LYRM1: variants seen among roughly 807,000 people sequenced by gnomAD.
The protein encoded by LYRM1 is LYR motif-containing protein 1.
Under a neutral mutation model 14.9 loss-of-function variants are expected in LYRM1, and 14 were observed. The ratio of observed to expected loss-of-function variants is 0.94; its 90% CI spans 0.62 to 1.47. LYRM1 has a LOEUF of 1.47. Among genes scored for constraint, LYRM1 ranks in the 40% most tolerant of loss-of-function variants. LYRM1 has a pLI of 0.00. For synonymous variants in LYRM1, 43 were observed against 56.2 expected (o/e 0.77, Z 1.05); for missense variants, 153 against 149.9 (o/e 1.02, Z -0.11).
intron 3 of LYRM1, among the ~76,000 whole-genome samples, chr16:20,920,853 G>A (rs565770532): frequency 5.7e-4 from 86 of 151,796 alleles, no homozygotes; most frequent in African/African-American, 1.7e-3. Context: ...ACACCACTGC[G>A]CTCCAGCCTG....
At chr16:20,913,252 T>C (rs1207728633) in intron 1 of LYRM1, among the ~76,000 whole-genome samples, 1 of 151,560 alleles carries the variant, frequency 6.6e-6, no homozygotes, top group Non-Finnish European at 1.5e-5. Context: ...ACTGGATACA[T>C]AATTTATTCT....
intron 1 of LYRM1, among the ~76,000 whole-genome samples, chr16:20,903,761 G>A (rs2152526199): frequency 6.6e-6 from 1 of 151,874 alleles, no homozygotes; most frequent in South Asian, 2.1e-4. Context: ...CCCCTGCACA[G>A]AATGTGGTTA....
At chr16:20,904,497 G>A (rs1262229674) in intron 1 of LYRM1, among the ~76,000 whole-genome samples, 1 of 152,048 alleles carries the variant, frequency 6.6e-6, no homozygotes, top group African/African-American at 2.4e-5. Context: ...GCCCCCTATT[G>A]CTGACAGACC....
intron 1 of LYRM1, among the ~76,000 whole-genome samples, 199 bp from the exon 2 acceptor site, chr16:20,915,357 G>A (rs1273432511): frequency 2.0e-5 from 3 of 151,832 alleles, no homozygotes; most frequent in Admixed American, 6.6e-5. Flanking sequence ...CTACTCGGGC[G>A]GCTGAGGCAG....
intron 1 of LYRM1, among the ~76,000 whole-genome samples, chr16:20,904,399 G>A (rs1028296757): frequency 2.0e-5 from 3 of 152,004 alleles, no homozygotes; most frequent in African/African-American, 7.3e-5. Context: ...TTTTGGCCCC[G>A]TGTTCTAAAA....
At chr16:20,920,503 G>A (rs1328081031) in intron 3 of LYRM1, 1 of 370,656 alleles carries the variant, frequency 2.7e-6, no homozygotes. Context: ...ATGGAAATGT[G>A]TTTAATTATA....
chr16:20,915,836 C>T, intron 2 of LYRM1, 122 bp downstream of exon 2: 1 of 1,031,574 alleles, frequency 9.7e-7, no homozygotes, highest in Non-Finnish European at 1.4e-6. Context: ...GAACTTGGGG[C>T]AGGAAGGGGC....
chr16:20,915,477 A>AC, intron 1 of LYRM1, 79 bp from the exon 2 acceptor site: 2 of 1,334,102 alleles, frequency 1.5e-6, no homozygotes, highest in Non-Finnish European at 2.1e-6. Context: ...AAAAAAAAAA[A>AC]CTGTACATCT....
rs548372523 is a variant in LYRM1, at chr16:20,915,270, A to C, written c.1-286A>C. Among the ~76,000 whole-genome samples the C allele has an allele frequency of 1.5e-3, 229 of 152,112 alleles. 1 individual carries two copies. The highest frequency in any genetic ancestry group is 5.3e-3 in the African/African-American group (221 of 41,494). On this transcript the variant is annotated intron_variant, in intron 1 of 3. Coordinates refer to ENST00000567954, the MANE Select transcript of LYRM1 (RefSeq NM_001128302.3). Reference sequence around the variant, plus strand: ...GGCAGATCACGAGGTCAGGAGATCGAGACCACGGTGAAACCCTGTCTCTAC... The same window carrying C: ...GGCAGATCACGAGGTCAGGAGATCGCGACCACGGTGAAACCCTGTCTCTAC...
rs373966310 is a variant in LYRM1, at chr16:20,920,228, C to T, written c.252+14C>T. 41 of 1,582,644 alleles carry T rather than the reference C, an allele frequency of 2.6e-5. No individual in the cohort carries two copies. The highest frequency in any genetic ancestry group is 1.2e-4 in the African/African-American group (9 of 74,364). On this transcript the variant is annotated intron_variant, in intron 3 of 3. Coordinates refer to ENST00000567954, the MANE Select transcript of LYRM1 (RefSeq NM_001128302.3). ...TACCCAAGGCCAGTAAGTGTGACTC[C>T]GGTTAACAAGTGCTGGGTACTTACC...
intron 1 of LYRM1, among the ~76,000 whole-genome samples, chr16:20,902,190 A>C (rs559857498): frequency 6.6e-4 from 101 of 152,350 alleles, no homozygotes; most frequent in African/African-American, 2.4e-3. Context: ...TAGTGCTTGC[A>C]GGACTTGCTG....
intron 2 of LYRM1, among the ~76,000 whole-genome samples, chr16:20,918,647 T>G: frequency 6.6e-6 from 1 of 152,178 alleles, no homozygotes; most frequent in East Asian, 1.9e-4. Context: ...CTTAACCATA[T>G]CTTTGTCAAG....
At chr16:20,920,511 A>T (rs1034203573) in intron 3 of LYRM1, 1 of 358,850 alleles carries the variant, frequency 2.8e-6, no homozygotes, top group East Asian at 5.7e-5. Context: ...GTGTTTAATT[A>T]TAAAAGGCAG....
At chr16:20,920,301 C>A in intron 3 of LYRM1, 87 bp downstream of exon 3, 1 of 1,007,476 alleles carries the variant, frequency 9.9e-7, no homozygotes, top group Non-Finnish European at 1.6e-6. Context: ...AGGGCGAGTG[C>A]TTGCTGAGAA....
At chr16:20,911,586 C>T (rs2082595202) in intron 1 of LYRM1, among the ~76,000 whole-genome samples, 1 of 152,128 alleles carries the variant, frequency 6.6e-6, no homozygotes. Flanking sequence ...CCAAATCTGC[C>T]CTCCTTGTCT....
intron 1 of LYRM1, among the ~76,000 whole-genome samples, chr16:20,904,241 T>C (rs1440536003): frequency 1.3e-5 from 2 of 152,238 alleles, no homozygotes; most frequent in African/African-American, 4.8e-5. Context: ...GTTGTTATCT[T>C]GGTTACAGTA....
chr16:20,915,593 A>G lies in LYRM1; in HGVS notation c.38A>G (p.Tyr13Cys), dbSNP rs11544268. 6 of 1,614,048 alleles carry G rather than the reference A, an allele frequency of 3.7e-6. No homozygotes were observed. The highest frequency in any genetic ancestry group is 5.1e-6 in the Non-Finnish European group (6 of 1,180,006). The change falls in exon 2 of 4, where the codon TAC (tyrosine) becomes TGC (cysteine). Residue 13 changes from tyrosine (Y) to cysteine (C), a missense_variant. Transcript: ENST00000567954. ...TATRQEVLGL[Y>C]RSIFRLARKW... Reference sequence around the variant, plus strand: ...ACACGACAAGAAGTCCTTGGCCTCTACCGCAGCATTTTCAGGCTTGCGAGG... The same window carrying G: ...ACACGACAAGAAGTCCTTGGCCTCTGCCGCAGCATTTTCAGGCTTGCGAGG...
At chr16:20,923,943 A>G in intron 3 of LYRM1, 57 bp from the exon 4 acceptor site, 1 of 945,612 alleles carries the variant, frequency 1.1e-6, no homozygotes, top group South Asian at 1.4e-5. Context: ...TCCTCAGTGA[A>G]TATGAGCTGC....
chr16:20,910,791 A>G (rs2082554125), intron 1 of LYRM1, among the ~76,000 whole-genome samples: 1 of 152,094 alleles, frequency 6.6e-6, no homozygotes, highest in Non-Finnish European at 1.5e-5. Flanking sequence ...AAAAACAACA[A>G]CAACAAAAAA....
Sources: gnomAD v4.1 joint callset for allele counts (sites outside exome capture counted in the v4.1 genomes callset) on GRCh38, gnomAD v4.1.1 for gene constraint, MANE v1.5 for transcripts, NCBI Gene and HGNC (gene_info 2026-07-23, HGNC 2026-07-21) for gene names.